ARHGDIB: variants seen among roughly 807,000 people sequenced by gnomAD.
The protein encoded by ARHGDIB is rho GDP-dissociation inhibitor 2.
A neutral mutation model predicts 22.6 loss-of-function variants in ARHGDIB; 20 were observed. That is an observed-to-expected ratio of 0.88 (90% CI 0.62 to 1.28). The LOEUF (loss-of-function observed/expected upper bound fraction) is 1.28. Among genes scored for constraint, ARHGDIB ranks in the 50% most tolerant of loss-of-function variants. The pLI, the probability that ARHGDIB is intolerant of heterozygous loss-of-function variation, is 0.00. For synonymous variants in ARHGDIB, 114 were observed against 96.1 expected (o/e 1.19, Z -1.09); for missense variants, 254 against 245.4 (o/e 1.04, Z -0.23).
intron 5 of ARHGDIB, among the ~76,000 whole-genome samples, chr12:14,943,405 T>A (rs1863927302): frequency 7.5e-5 from 2 of 26,676 alleles, no homozygotes; most frequent in Non-Finnish European, 2.3e-4. Flanking sequence ...GTTGTTGTTG[T>A]TTTTTTTATG....
At chr12:14,947,550 A>T (rs1469559927) in intron 4 of ARHGDIB, 4 of 229,942 alleles carry the variant, frequency 1.7e-5, no homozygotes, top group Non-Finnish European at 3.4e-5. Context: ...TGAGGTGCTT[A>T]TATTCTATGA....
intron 1 of ARHGDIB, among the ~76,000 whole-genome samples, chr12:14,953,245 A>T (rs911858884): frequency 3.3e-5 from 5 of 152,188 alleles, no homozygotes; most frequent in Non-Finnish European, 7.3e-5. Flanking sequence ...AAAGGGGGAA[A>T]TTCAGGGCCA....
intron 4 of ARHGDIB, among the ~76,000 whole-genome samples, chr12:14,945,628 G>C (rs896455725): frequency 6.6e-6 from 1 of 152,236 alleles, no homozygotes; most frequent in Non-Finnish European, 1.5e-5. Flanking sequence ...GAAGAGCTTG[G>C]TTATCTGTTC....
At chr12:14,959,899 A>G (rs143106257) in intron 1 of ARHGDIB, among the ~76,000 whole-genome samples, 1 of 152,334 alleles carries the variant, frequency 6.6e-6, no homozygotes, top group African/African-American at 2.4e-5. Flanking sequence ...ACAAAAGAGT[A>G]AGATGCTCTT....
intron 5 of ARHGDIB, among the ~76,000 whole-genome samples, chr12:14,943,915 CT>C (rs1181271769): frequency 2.0e-5 from 3 of 152,134 alleles, no homozygotes; most frequent in Admixed American, 6.5e-5. Context: ...GGAAATTAAA[CT>C]TTTTTTTCAT....
intron 3 of ARHGDIB, 129 bp from the exon 4 acceptor site, chr12:14,948,078 A>T: frequency 1.6e-6 from 1 of 626,822 alleles, no homozygotes; most frequent in Non-Finnish European, 2.9e-6. Flanking sequence ...CTCAATTCAC[A>T]GAGTATTTGA....
intron 1 of ARHGDIB, among the ~76,000 whole-genome samples, chr12:14,953,954 T>TTCCC (rs1864242806): frequency 6.9e-6 from 1 of 145,876 alleles, no homozygotes; most frequent in African/African-American, 2.7e-5. Flanking sequence ...TCCTTTCTTC[T>TTCCC]TTCCTTCCTT....
Position 14,942,499 on chromosome 12 carries a change from G to T in ARHGDIB, c.*23C>A. 6.2e-7 allele frequency: 1 copy of T among 1,613,232 alleles called. No individual in the cohort carries two copies. Among genetic ancestry groups the T allele is most frequent in the Non-Finnish European group, 8.5e-7 (1 of 1,179,566 alleles). ...TGAGAGAATTCTTCCAGGTGGCAAGGGTGGGGAAAGGGGTGGATGCATTCA... is the reference window on the plus strand; with the variant it reads ...TGAGAGAATTCTTCCAGGTGGCAAGTGTGGGGAAAGGGGTGGATGCATTCA... On this transcript the variant is annotated 3_prime_UTR_variant, in exon 6 of 6. Transcript: ENST00000228945.
At chr12:14,958,055 C>T (rs1328377598) in intron 1 of ARHGDIB, among the ~76,000 whole-genome samples, 1 of 152,194 alleles carries the variant, frequency 6.6e-6, no homozygotes, top group Non-Finnish European at 1.5e-5. Flanking sequence ...GGCTGTGGGT[C>T]TAGTGCAGGT....
intron 1 of ARHGDIB, among the ~76,000 whole-genome samples, chr12:14,957,275 G>C (rs149760253): frequency 3.3e-4 from 50 of 152,240 alleles, no homozygotes; most frequent in African/African-American, 1.2e-3. Flanking sequence ...AAAAATTATA[G>C]GACTATACTG....
chr12:14,942,709 G>A lies in ARHGDIB; in HGVS notation c.419C>T (p.Thr140Ile), dbSNP rs776710306. The A allele has an allele frequency of 4.3e-6, 7 of 1,613,832 alleles. No individual in the cohort carries two copies. The African/African-American group carries it at 5.3e-5, about 12-fold the overall frequency. ...YRTGVKVDKATFMVGSYGPRP... is the reference protein window; with the variant it reads ...YRTGVKVDKAIFMVGSYGPRP... ...AGGTCCATAGCTGCCAACCATAAAT[G>A]TTGCTTTATCCACTAAGAAGAAAGA... is the stretch of plus-strand genomic sequence containing the variant. The change falls in exon 6 of 6, where the codon ACA (threonine) becomes ATA (isoleucine). Residue 140 changes from threonine (T) to isoleucine (I), a missense_variant. By Grantham distance (89) the Thr-to-Ile change is moderately conservative. Coordinates refer to ENST00000228945, the MANE Select transcript of ARHGDIB (RefSeq NM_001175.7).
chr12:14,958,410 A>C (rs1864344332), intron 1 of ARHGDIB, among the ~76,000 whole-genome samples: 1 of 152,236 alleles, frequency 6.6e-6, no homozygotes, highest in African/African-American at 2.4e-5. Context: ...GGCACAAATT[A>C]CTAGAAACGT....
intron 1 of ARHGDIB, among the ~76,000 whole-genome samples, chr12:14,951,857 T>C (rs1325401565): frequency 6.6e-6 from 1 of 151,746 alleles, no homozygotes; most frequent in Non-Finnish European, 1.5e-5. Context: ...GATATTGAGA[T>C]CCAGAGTTAA....
chr12:14,954,750 A>G (rs1244421518), intron 1 of ARHGDIB, among the ~76,000 whole-genome samples: 2 of 152,228 alleles, frequency 1.3e-5, no homozygotes, highest in African/African-American at 2.4e-5. Flanking sequence ...TCACCTGTGA[A>G]TATGAGAGAA....
chr12:14,961,468 C>T (rs1002114222), intron 1 of ARHGDIB, 69 bp downstream of exon 1: 16 of 152,238 alleles, frequency 1.1e-4, no homozygotes, highest in African/African-American at 3.9e-4. Flanking sequence ...GCGGTAGCCC[C>T]GTCTAGAGGT....
chr12:14,942,261 A>G lies in ARHGDIB; in HGVS notation c.*261T>C. The G allele has an allele frequency of 4.2e-6, 2 of 481,124 alleles. No individual in the cohort carries two copies. Among genetic ancestry groups the G allele is most frequent in the Admixed American group, 3.3e-5 (1 of 29,950 alleles). 29.8% of individuals were successfully genotyped at this position (481,124 alleles called of 1,614,324 possible). ...AATAGGGGTAAGACAGGGAAATATT[A>G]AATGATTGTGTACTGAGATGGAGAC... is the stretch of plus-strand genomic sequence containing the variant. On this transcript the variant is annotated 3_prime_UTR_variant, in exon 6 of 6. Coordinates refer to ENST00000228945, the MANE Select transcript of ARHGDIB (RefSeq NM_001175.7).
rs147117659 is a variant in ARHGDIB, at chr12:14,953,818, G to GCTCTCTCTCT, written c.-12-3104_-12-3095dup. 1.4e-4 allele frequency among the ~76,000 whole-genome samples: 21 copies of GCTCTCTCTCT among 146,502 alleles called. No individual in the cohort carries two copies. In the East Asian group the frequency reaches 4.2e-3, roughly 30 times the overall value. ...GAAGGTTGCTTTTTTGCTTTTGCTT[G>GCTCTCTCTCT]CTCTCTCTCTCTCTCTCTCTCTTTC... is the stretch of plus-strand genomic sequence containing the variant. On this transcript the variant is annotated intron_variant, in intron 1 of 5. Coordinates refer to ENST00000228945, the MANE Select transcript of ARHGDIB (RefSeq NM_001175.7).
chr12:14,955,683 C>T (rs1864286127), intron 1 of ARHGDIB, among the ~76,000 whole-genome samples: 1 of 152,180 alleles, frequency 6.6e-6, no homozygotes, highest in African/African-American at 2.4e-5. Flanking sequence ...CCCGAAGCCC[C>T]AGCCATAAAT....
At chr12:14,960,844 C>T (rs537441931) in intron 1 of ARHGDIB, among the ~76,000 whole-genome samples, 46 of 152,260 alleles carry the variant, frequency 3.0e-4, no homozygotes, top group African/African-American at 8.9e-4. Flanking sequence ...TCTGCCCATC[C>T]GACTGCAGGA....
Sources: gnomAD v4.1 joint callset for allele counts (sites outside exome capture counted in the v4.1 genomes callset) on GRCh38, gnomAD v4.1.1 for gene constraint, MANE v1.5 for transcripts, NCBI Gene and HGNC (gene_info 2026-07-23, HGNC 2026-07-21) for gene names.